Variants in GFRA1 observed in about 807,000 individuals in gnomAD.
The protein encoded by GFRA1 is GDNF family receptor alpha 1.
Under a neutral mutation model 51.6 loss-of-function variants are expected in GFRA1, and 16 were observed. The observed-to-expected ratio is 0.31, with a 90% CI of 0.21 to 0.47. The LOEUF is 0.47. Among genes scored for constraint, GFRA1 ranks in the 20% least tolerant of loss-of-function variants. GFRA1 has a pLI of 1.00. For synonymous variants in GFRA1, 270 were observed against 241.3 expected (o/e 1.12, Z -1.10); for missense variants, 530 against 594.3 (o/e 0.89, Z 1.13).
chr10:116,205,729 C>T (rs934868684), intron 5 of GFRA1, among the ~76,000 whole-genome samples: 1 of 151,500 alleles, frequency 6.6e-6, no homozygotes, highest in Non-Finnish European at 1.5e-5. Context: ...GACAAGTTAG[C>T]GGTGGGAGAC....
At chr10:116,133,325 C>G (rs1488245094) in intron 5 of GFRA1, among the ~76,000 whole-genome samples, 1 of 152,152 alleles carries the variant, frequency 6.6e-6, no homozygotes, top group Non-Finnish European at 1.5e-5. Flanking sequence ...CTAAGCCTCT[C>G]TGGCTGTGAT....
intron 9 of GFRA1, among the ~76,000 whole-genome samples, chr10:116,089,152 T>G (rs1320837468): frequency 6.6e-6 from 1 of 152,188 alleles, no homozygotes; most frequent in Non-Finnish European, 1.5e-5. Context: ...CCGTTCTCAC[T>G]GGACTGTATC....
chr10:116,192,008 CA>C (rs1485596563), intron 5 of GFRA1, among the ~76,000 whole-genome samples: 15 of 152,248 alleles, frequency 9.9e-5, no homozygotes, highest in African/African-American at 3.6e-4. Context: ...GCCTCGGGGA[CA>C]AGAGTGAGAC....
Position 116,189,010 on chromosome 10 carries a change from T to G in GFRA1, c.433+22621A>C, listed in dbSNP as rs538622963. Reference sequence around the variant, plus strand: ...TGGCTCATGCCTCTAATCCCAGCACTTTGGGAGGCTGGGGCAGGAGGATTG... The same window carrying G: ...TGGCTCATGCCTCTAATCCCAGCACGTTGGGAGGCTGGGGCAGGAGGATTG... On this transcript the variant is annotated intron_variant, in intron 5 of 10. Coordinates refer to ENST00000355422, the MANE Select transcript of GFRA1 (RefSeq NM_005264.8). Among the ~76,000 whole-genome samples, 26 of 151,028 alleles carry G rather than the reference T, an allele frequency of 1.7e-4. No homozygotes were observed. The South Asian group carries it at 5.5e-3, about 32-fold the overall frequency.
intron 4 of GFRA1, among the ~76,000 whole-genome samples, chr10:116,218,105 C>T (rs1193288897): frequency 3.9e-5 from 6 of 152,144 alleles, no homozygotes; most frequent in Non-Finnish European, 1.5e-5. Context: ...CCAATGATAT[C>T]CTACCTTCAA....
intron 5 of GFRA1, among the ~76,000 whole-genome samples, chr10:116,140,089 T>C (rs1565604475): frequency 6.6e-6 from 1 of 152,170 alleles, no homozygotes; most frequent in Non-Finnish European, 1.5e-5. Context: ...GCTAATGAAC[T>C]GACCCAAGAG....
intron 4 of GFRA1, among the ~76,000 whole-genome samples, chr10:116,230,030 T>G (rs148385302): frequency 1.9e-3 from 290 of 152,278 alleles, no homozygotes; most frequent in African/African-American, 6.7e-3. Context: ...AAGAGCTTCT[T>G]GTTACCCTTT....
At position 116,204,517 on chromosome 10, in the gene GFRA1, C is replaced by T. The variant is rs1245174458; in HGVS notation, c.433+7114G>A. Reference sequence around the variant, plus strand: ...TCCTTGGAGAAGTGATTGTACAATCCTATTGATTGTGGGATTACGGTGGGA... The same window carrying T: ...TCCTTGGAGAAGTGATTGTACAATCTTATTGATTGTGGGATTACGGTGGGA... On this transcript the variant is annotated intron_variant, in intron 5 of 10. Coordinates refer to ENST00000355422, the MANE Select transcript of GFRA1 (RefSeq NM_005264.8). Among the ~76,000 whole-genome samples the T allele has an allele frequency of 2.0e-5, 3 of 152,130 alleles. No homozygotes were observed. In the East Asian group the frequency reaches 5.8e-4, roughly 29 times the overall value.
chr10:116,153,557 G>A (rs1260080308), intron 5 of GFRA1, among the ~76,000 whole-genome samples: 1 of 152,098 alleles, frequency 6.6e-6, no homozygotes, highest in East Asian at 1.9e-4. Flanking sequence ...ATTATTTTTT[G>A]GCTAGCTTCC....
chr10:116,232,183 A>C (rs1966720094), intron 4 of GFRA1, among the ~76,000 whole-genome samples: 1 of 152,164 alleles, frequency 6.6e-6, no homozygotes, highest in African/African-American at 2.4e-5. Context: ...AACCTACTAA[A>C]ACAAACATGT....
In GFRA1 at chr10:116,218,109, C is replaced by T. The variant is rs935902703; in HGVS notation, c.419-6464G>A. Among the ~76,000 whole-genome samples the T allele has an allele frequency of 3.9e-5, 6 of 152,142 alleles. No individual in the cohort carries two copies. The South Asian group carries it at 6.2e-4, about 16-fold the overall frequency. ...ACATCAGTGATCCAATGATATCCTA[C>T]CTTCAAACACCAGCGATCTAAGAGG... On this transcript the variant is annotated intron_variant, in intron 4 of 10. Coordinates refer to ENST00000355422, the MANE Select transcript of GFRA1 (RefSeq NM_005264.8).
intron 4 of GFRA1, among the ~76,000 whole-genome samples, chr10:116,257,614 T>C (rs1417268456): frequency 2.0e-5 from 3 of 152,230 alleles, no homozygotes; most frequent in South Asian, 2.1e-4. Context: ...GCAGGTCTTA[T>C]GTCCTTCTCT....
chr10:116,185,534 A>C (rs1483810365), intron 5 of GFRA1, among the ~76,000 whole-genome samples: 1 of 152,044 alleles, frequency 6.6e-6, no homozygotes, highest in Admixed American at 6.6e-5. Context: ...TCCACTCCCC[A>C]CTGAGGCCAG....
In GFRA1 at chr10:116,079,520, G is replaced by A. The variant is rs1363554578; in HGVS notation, c.1197+10221C>T. On this transcript the variant is annotated intron_variant, in intron 9 of 10. Transcript: ENST00000355422. ...AAGGGGGGTCTCTGAGGCACCCTTCGCTTCGGGCAGTGATTGTCAAGCAGG... is the reference window on the plus strand; with the variant it reads ...AAGGGGGGTCTCTGAGGCACCCTTCACTTCGGGCAGTGATTGTCAAGCAGG... Among the ~76,000 whole-genome samples, 8 of 152,100 alleles carry A rather than the reference G, an allele frequency of 5.3e-5. No homozygotes were observed. The Middle Eastern group carries it at 0.017, about 323-fold the overall frequency.
intron 5 of GFRA1, among the ~76,000 whole-genome samples, chr10:116,202,103 C>T (rs1964380754): frequency 6.6e-6 from 1 of 152,152 alleles, no homozygotes; most frequent in Non-Finnish European, 1.5e-5. Flanking sequence ...ACTATGTGCT[C>T]AACACTGCAC....
chr10:116,205,530 G>A (rs1201432660), intron 5 of GFRA1, among the ~76,000 whole-genome samples: 3 of 149,564 alleles, frequency 2.0e-5, no homozygotes, highest in East Asian at 4.0e-4. Context: ...AGCTGAGAAC[G>A]CACCACTGCA....
intron 5 of GFRA1, among the ~76,000 whole-genome samples, chr10:116,194,041 TA>T (rs903350740): frequency 8.6e-5 from 4 of 46,676 alleles, no homozygotes; most frequent in Admixed American, 2.5e-4. Flanking sequence ...TCCGTCTCAA[TA>T]AAAAAAAATA....
At chr10:116,165,100 C>A (rs1383954937) in intron 5 of GFRA1, among the ~76,000 whole-genome samples, 1 of 152,148 alleles carries the variant, frequency 6.6e-6, no homozygotes, top group Non-Finnish European at 1.5e-5. Context: ...CTCCTAAGAG[C>A]TTTGGGTCCT....
At chr10:116,242,304 T>C (rs542246884) in intron 4 of GFRA1, among the ~76,000 whole-genome samples, 4 of 152,324 alleles carry the variant, frequency 2.6e-5, no homozygotes, top group African/African-American at 9.6e-5. Flanking sequence ...TTTAAAGTTT[T>C]GGAAGCCTGT....
Sources: gnomAD v4.1 joint callset for allele counts (sites outside exome capture counted in the v4.1 genomes callset) on GRCh38, gnomAD v4.1.1 for gene constraint, MANE v1.5 for transcripts, NCBI Gene and HGNC (gene_info 2026-07-23, HGNC 2026-07-21) for gene names.